Variants in BABAM2 observed in about 807,000 individuals in gnomAD.
BABAM2 encodes BRISC and BRCA1 A complex member 2.
BABAM2 carries 31 observed loss-of-function variants against 54.7 expected under a neutral mutation model. The ratio of observed to expected loss-of-function variants is 0.57; its 90% confidence interval spans 0.43 to 0.77. The LOEUF is 0.77. BABAM2 is among the 30% of genes least tolerant of loss of function. The probability of loss-of-function intolerance (pLI) is 0.00; values close to 1 mark genes in which losing one functional copy is unlikely to be tolerated. For missense variants in BABAM2, 364 were observed against 455.8 expected (o/e 0.80, Z 1.83); for synonymous variants, 167 against 162.9 (o/e 1.03, Z -0.19).
At chr2:27,900,382 TA>T (rs1377242500) in intron 2 of BABAM2, among the ~76,000 whole-genome samples, 1 of 151,948 alleles carries the variant, frequency 6.6e-6, no homozygotes, top group Non-Finnish European at 1.5e-5. Context: ...TTTTTTTTTT[TA>T]AATAGCAATT....
intron 4 of BABAM2, among the ~76,000 whole-genome samples, chr2:28,004,902 TAA>T (rs1191435220): frequency 6.6e-6 from 1 of 152,190 alleles, no homozygotes; most frequent in African/African-American, 2.4e-5. Context: ...TTTCCAAGGT[TAA>T]CATGAACTTT....
chr2:28,240,595 C>T (rs1486599235), intron 8 of BABAM2, among the ~76,000 whole-genome samples: 1 of 152,080 alleles, frequency 6.6e-6, no homozygotes, highest in African/African-American at 2.4e-5. Context: ...TTGGGCCAGG[C>T]TCAGTGGCTC....
intron 6 of BABAM2, among the ~76,000 whole-genome samples, chr2:28,107,073 T>C (rs563701110): frequency 6.6e-6 from 1 of 152,146 alleles, no homozygotes; most frequent in Non-Finnish European, 1.5e-5. Flanking sequence ...ATATATAGGT[T>C]ACACACATAT....
chr2:28,260,031 G>C (rs1684352455), intron 10 of BABAM2, among the ~76,000 whole-genome samples: 1 of 151,916 alleles, frequency 6.6e-6, no homozygotes, highest in African/African-American at 2.4e-5. Flanking sequence ...CTCTCAAGTA[G>C]CTGGGATTAC....
At chr2:27,973,412 G>T (rs1671363635) in intron 3 of BABAM2, among the ~76,000 whole-genome samples, 1 of 151,842 alleles carries the variant, frequency 6.6e-6, no homozygotes, top group African/African-American at 2.4e-5. Context: ...TAGAAAGGGG[G>T]ACTCTTCAGG....
At chr2:28,012,896 C>T (rs13003383) in intron 4 of BABAM2, among the ~76,000 whole-genome samples, 30,092 of 151,998 alleles carry the variant, frequency 0.2, 4,003 homozygotes, top group East Asian at 0.62. Flanking sequence ...AAAATTTCTT[C>T]GCTCTCCACT....
chr2:28,198,154 C>T (rs1323250605), intron 7 of BABAM2, among the ~76,000 whole-genome samples: 1 of 151,722 alleles, frequency 6.6e-6, no homozygotes, highest in Non-Finnish European at 1.5e-5. Flanking sequence ...AATTCACTAC[C>T]ACAGGACAGC....
chr2:28,051,891 C>T (rs1678025838), intron 6 of BABAM2, among the ~76,000 whole-genome samples: 1 of 151,978 alleles, frequency 6.6e-6, no homozygotes, highest in South Asian at 2.1e-4. Flanking sequence ...CTCAGGTGAT[C>T]CACCCACCTT....
chr2:28,185,141 A>G (rs760804050), intron 7 of BABAM2, among the ~76,000 whole-genome samples: 14 of 152,244 alleles, frequency 9.2e-5, no homozygotes, highest in African/African-American at 3.4e-4. Context: ...GGTACATAAG[A>G]TGCTTGTCAG....
At chr2:28,105,409 C>A (rs1011606074) in intron 6 of BABAM2, among the ~76,000 whole-genome samples, 4 of 152,152 alleles carry the variant, frequency 2.6e-5, no homozygotes, top group Admixed American at 6.6e-5. Context: ...TGAGAACTTG[C>A]CTCATTCATC....
At chr2:28,095,593 C>T (rs911479105) in intron 6 of BABAM2, among the ~76,000 whole-genome samples, 2 of 152,092 alleles carry the variant, frequency 1.3e-5, no homozygotes, top group Admixed American at 6.6e-5. Context: ...CAAAAACATA[C>T]CAGCCAGACA....
chr2:28,256,187 C>A (rs1293542209), intron 10 of BABAM2, among the ~76,000 whole-genome samples: 2 of 152,188 alleles, frequency 1.3e-5, no homozygotes, highest in East Asian at 3.8e-4. Context: ...TACATAGCTT[C>A]TTTGTTAACA....
At chr2:28,228,471 G>A (rs914940863) in intron 7 of BABAM2, among the ~76,000 whole-genome samples, 1 of 152,056 alleles carries the variant, frequency 6.6e-6, no homozygotes, top group Non-Finnish European at 1.5e-5. Flanking sequence ...TATTTTAAAG[G>A]TAATTCATAG....
At chr2:28,062,643 ATGATACT>A (rs1237790349) in intron 6 of BABAM2, among the ~76,000 whole-genome samples, 1 of 152,150 alleles carries the variant, frequency 6.6e-6, no homozygotes, top group South Asian at 2.1e-4. Context: ...ATTATCAGCA[ATGATACT>A]TGTGTTAAAA....
rs560397836 is a variant in BABAM2 at position 28,324,805 on chromosome 2, C to CAAGA, written c.1089-13638_1089-13635dup. Among the ~76,000 whole-genome samples the CAAGA allele has an allele frequency of 2.0e-4, 30 of 152,034 alleles. 2 individuals carry two copies. The East Asian group carries it at 5.8e-3, about 30-fold the overall frequency. ...GTGCAGACAGAGAGAGACCTTGTCT[C>CAAGA]AAGAAAGAAAAGAAAAGAAAACTTA... On this transcript the variant is annotated intron_variant, in intron 11 of 11. Coordinates refer to ENST00000379624, the MANE Select transcript of BABAM2 (RefSeq NM_199191.3).
At chr2:28,203,148 C>T (rs1202162840) in intron 7 of BABAM2, among the ~76,000 whole-genome samples, 1 of 152,190 alleles carries the variant, frequency 6.6e-6, no homozygotes, top group Non-Finnish European at 1.5e-5. Flanking sequence ...TAATTTACTT[C>T]TTTTAGTCCT....
chr2:27,947,533 T>C lies in BABAM2; in HGVS notation c.205+17625T>C, dbSNP rs544083002. On this transcript the variant is annotated intron_variant, in intron 3 of 11. Transcript: ENST00000379624. ...TTGTCTTTAGCAAAATGTTCAAACC[T>C]TTTGCCTTTTTAAAAAATGGATTCT... 2.0e-5 allele frequency among the ~76,000 whole-genome samples: 3 copies of C among 152,156 alleles called. No homozygotes were observed. The East Asian group carries it at 5.8e-4, about 29-fold the overall frequency.
chr2:28,203,784 A>G (rs774906076), intron 7 of BABAM2, among the ~76,000 whole-genome samples: 11 of 152,158 alleles, frequency 7.2e-5, no homozygotes, highest in Non-Finnish European at 1.0e-4. Flanking sequence ...GTTCCATAGC[A>G]GGCATCCACC....
At chr2:27,915,393 C>T (rs1198993062) in intron 2 of BABAM2, among the ~76,000 whole-genome samples, 5 of 152,114 alleles carry the variant, frequency 3.3e-5, no homozygotes, top group African/African-American at 1.2e-4. Context: ...GTCAGTGGAT[C>T]CTCATAACAG....
Sources: allele counts gnomAD v4.1 joint callset (sites outside exome capture counted in the v4.1 genomes callset), GRCh38; gene constraint gnomAD v4.1.1; transcripts MANE v1.5; gene names NCBI Gene and HGNC (gene_info 2026-07-23, HGNC 2026-07-21).